WSCD2: variants seen among roughly 807,000 people sequenced by gnomAD.
WSCD2 encodes the protein sialate:O-sulfotransferase 2.
In WSCD2, 28 loss-of-function variants were observed where a neutral mutation model predicts 55.7. That is an observed-to-expected ratio of 0.50 (90% CI 0.37 to 0.69). WSCD2 has a LOEUF of 0.69. Ranked by LOEUF, WSCD2 falls within the 30% of genes least tolerant of loss-of-function variation. WSCD2 has a pLI of 0.00. For missense variants in WSCD2, 616 were observed against 762.1 expected, an observed-to-expected ratio of 0.81 and a Z score of 2.26; for synonymous variants, 301 against 301.9, an observed-to-expected ratio of 1.00 and a Z score of 0.03.
chr12:108,243,324 G>T (rs1889886767), intron 8 of WSCD2, among the ~76,000 whole-genome samples: 1 of 151,298 alleles, frequency 6.6e-6, no homozygotes, highest in African/African-American at 2.4e-5. Flanking sequence ...TGCAACCTCT[G>T]CTTCCCGGGT....
intron 1 of WSCD2, among the ~76,000 whole-genome samples, chr12:108,193,852 C>T (rs947659248): frequency 2.0e-4 from 30 of 152,260 alleles, no homozygotes; most frequent in African/African-American, 7.2e-4. Flanking sequence ...CAAGTGCCTA[C>T]GAGGGTGACA....
chr12:108,222,886 C>A (rs186581451), intron 4 of WSCD2, among the ~76,000 whole-genome samples: 52 of 152,258 alleles, frequency 3.4e-4, no homozygotes, highest in African/African-American at 1.2e-3. Flanking sequence ...GGAAACAGAA[C>A]CAACAGGATT....
rs188955248 is a variant in WSCD2, at chr12:108,168,960, A to G, written c.-551-26322A>G. On this transcript the variant is annotated intron_variant, in intron 1 of 8. Coordinates refer to ENST00000547525, the MANE Select transcript of WSCD2 (RefSeq NM_014653.4). ...GAGGTAAGCAGTGGGCCAGTGAACA[A>G]AATATCATCAGTATTTACAGCCACT... Among the ~76,000 whole-genome samples the G allele has an allele frequency of 3.3e-5, 5 of 152,286 alleles. No homozygotes were observed. In the East Asian group the frequency reaches 9.6e-4, roughly 29 times the overall value.
Position 108,246,024 on chromosome 12 carries a change from C to T in WSCD2, c.1346-1967C>T, listed in dbSNP as rs141610305. On this transcript the variant is annotated intron_variant, in intron 8 of 8. Transcript: ENST00000547525. ...GCAAATTTCAATTTAGTTCAACAAC[C>T]GTTCACTGAGCACCTGCTGAGTACA... 3.3e-5 allele frequency among the ~76,000 whole-genome samples: 5 copies of T among 152,326 alleles called. No homozygotes were observed. The East Asian group carries it at 5.8e-4, about 18-fold the overall frequency.
intron 2 of WSCD2, among the ~76,000 whole-genome samples, chr12:108,204,218 G>A (rs1190731567): frequency 6.6e-6 from 1 of 152,014 alleles, no homozygotes; most frequent in East Asian, 1.9e-4. Flanking sequence ...CTCTGTTTCT[G>A]TCTTTGTCTC....
chr12:108,130,478 GTGTGT>G (rs1565905440), intron 1 of WSCD2, among the ~76,000 whole-genome samples: 5,630 of 46,572 alleles, frequency 0.12, 134 homozygotes, highest in Non-Finnish European at 0.14. Context: ...ATTCTGGGGT[GTGTGT>G]GTGTGTGTGT....
chr12:108,205,689 T>A (rs969621046), intron 2 of WSCD2, among the ~76,000 whole-genome samples: 4 of 152,238 alleles, frequency 2.6e-5, no homozygotes, highest in African/African-American at 9.6e-5. Flanking sequence ...GCCTATCATA[T>A]GCAAGACACT....
At chr12:108,185,398 C>A (rs557072628) in intron 1 of WSCD2, among the ~76,000 whole-genome samples, 1 of 152,278 alleles carries the variant, frequency 6.6e-6, no homozygotes, top group South Asian at 2.1e-4. Flanking sequence ...GTGTCTCCTG[C>A]TGCCTGGGAC....
At chr12:108,140,577 C>G (rs1292255942) in intron 1 of WSCD2, among the ~76,000 whole-genome samples, 1 of 152,276 alleles carries the variant, frequency 6.6e-6, no homozygotes, top group East Asian at 1.9e-4. Flanking sequence ...CAAAAAGAAC[C>G]AGGTAGTAGT....
chr12:108,244,725 A>G, intron 8 of WSCD2: 1 of 652,048 alleles, frequency 1.5e-6, no homozygotes, highest in Non-Finnish European at 2.8e-6. Flanking sequence ...CTATAAACAG[A>G]CCCCAGGTCT....
intron 7 of WSCD2, among the ~76,000 whole-genome samples, chr12:108,233,522 T>C (rs1888992928): frequency 6.6e-6 from 1 of 152,244 alleles, no homozygotes; most frequent in Non-Finnish European, 1.5e-5. Context: ...TGGCACCTAG[T>C]AGGTGGCCAG....
At chr12:108,145,993 A>G (rs906682980) in intron 1 of WSCD2, among the ~76,000 whole-genome samples, 1 of 152,210 alleles carries the variant, frequency 6.6e-6, no homozygotes, top group African/African-American at 2.4e-5. Flanking sequence ...AATTACCACC[A>G]TCGTCCTGAA....
Position 108,240,459 on chromosome 12 carries a change from C to G in WSCD2, c.1260C>G (p.Asn420Lys). 1 of 1,614,116 alleles carries G rather than the reference C, an allele frequency of 6.2e-7. No individual in the cohort carries two copies. Among genetic ancestry groups the G allele is most frequent in the South Asian group, 1.1e-5 (1 of 91,086 alleles). Residue 420 changes from asparagine to lysine, a missense_variant, in exon 8 of 9, where the codon AAC (asparagine) becomes AAG (lysine). By Grantham distance (94) the Asn-to-Lys change is moderately conservative. Coordinates refer to ENST00000547525, the MANE Select transcript of WSCD2 (RefSeq NM_014653.4). ...ACGCCGCCATCCTGCTCATCCGCAA[C>G]CCCTACAAAGCCCTCATGGCTGAGT... is the stretch of plus-strand genomic sequence containing the variant. ...AFDAAILLIR[N>K]PYKALMAEFN... is the part of the protein sequence containing the mutation.
intron 1 of WSCD2, among the ~76,000 whole-genome samples, chr12:108,158,949 G>A (rs1878795040): frequency 6.6e-6 from 1 of 152,140 alleles, no homozygotes; most frequent in African/African-American, 2.4e-5. Context: ...TCTGATCCAA[G>A]CCATCTGTCT....
intron 4 of WSCD2, among the ~76,000 whole-genome samples, chr12:108,211,631 A>ATATATATATATG (rs1491198401): frequency 1.2e-3 from 10 of 8,348 alleles, no homozygotes; most frequent in African/African-American, 1.7e-3. Context: ...TTCAAATCCC[A>ATATATATATATG]TATATATATA....
rs143674003 is a variant in WSCD2 at position 108,220,153 on chromosome 12, T to C, written c.683-4586T>C. 3.7e-4 allele frequency among the ~76,000 whole-genome samples: 56 copies of C among 152,366 alleles called. No homozygotes were observed. In the East Asian group the frequency reaches 0.01, roughly 28 times the overall value. ...AGACATTCCTAGGTTGGAATCCAGATACTGCCACTTGTCAGCTGTATGGCC... is the reference window on the plus strand; with the variant it reads ...AGACATTCCTAGGTTGGAATCCAGACACTGCCACTTGTCAGCTGTATGGCC... On this transcript the variant is annotated intron_variant, in intron 4 of 8. Coordinates refer to ENST00000547525, the MANE Select transcript of WSCD2 (RefSeq NM_014653.4).
intron 1 of WSCD2, among the ~76,000 whole-genome samples, chr12:108,184,831 C>T (rs1384369314): frequency 6.6e-6 from 1 of 152,180 alleles, no homozygotes; most frequent in Non-Finnish European, 1.5e-5. Flanking sequence ...TCAAGTTTCT[C>T]CAAGCCTCAG....
chr12:108,219,622 C>A (rs1887248220), intron 4 of WSCD2, among the ~76,000 whole-genome samples: 1 of 152,226 alleles, frequency 6.6e-6, no homozygotes, highest in African/African-American at 2.4e-5. Flanking sequence ...CCACTCACTT[C>A]TTCAGACACG....
rs1890259445 is a variant in WSCD2, at chr12:108,248,702, C to T, written c.*359C>T. The T allele has an allele frequency of 1.9e-6, 2 of 1,035,778 alleles. No individual in the cohort carries two copies. The highest frequency in any genetic ancestry group is 2.3e-6 in the Non-Finnish European group (2 of 859,978). 64.2% of individuals were successfully genotyped at this position (1,035,778 alleles called of 1,614,324 possible). On this transcript the variant is annotated 3_prime_UTR_variant, in exon 9 of 9. Transcript: ENST00000547525. The surrounding 1 kb of genome is among the most constrained non-coding windows in gnomAD (Gnocchi z 4.3). ...TGGAGACTTGCTGGATGCCCCATGG[C>T]AATTGTCAAGGCTCTTGATGCAAGA...
Sources: gnomAD v4.1 joint callset for allele counts (sites outside exome capture counted in the v4.1 genomes callset) on GRCh38, gnomAD v4.1.1 for gene constraint, Gnocchi (gnomAD v3.1) non-coding constraint, MANE v1.5 for transcripts, NCBI Gene and HGNC (gene_info 2026-07-23, HGNC 2026-07-21) for gene names.